CFAP45: variants seen among roughly 807,000 people sequenced by gnomAD.
CFAP45 encodes the protein cilia and flagella associated protein 45, also known as cilia- and flagella-associated protein 45.
In CFAP45, 43 loss-of-function variants were observed where a neutral mutation model predicts 75.6. That is an observed-to-expected ratio of 0.57 (90% CI 0.45 to 0.73). The LOEUF (loss-of-function observed/expected upper bound fraction) is 0.73. Ranked by LOEUF, CFAP45 falls within the 30% of genes least tolerant of loss-of-function variation. The probability of loss-of-function intolerance (pLI) is 0.00; values close to 1 mark genes in which losing one functional copy is unlikely to be tolerated. For missense variants in CFAP45, 689 were observed against 701.5 expected, an observed-to-expected ratio of 0.98 and a Z score of 0.20; for synonymous variants, 223 against 244.6, an observed-to-expected ratio of 0.91 and a Z score of 0.82.
At chr1:159,895,493 G>A (rs1032712643) in intron 1 of CFAP45, among the ~76,000 whole-genome samples, 3 of 152,154 alleles carry the variant, frequency 2.0e-5, no homozygotes, top group African/African-American at 2.4e-5. Context: ...TTTCACACTC[G>A]ATTGGACAAT....
At chr1:159,897,180 C>A (rs568140701) in intron 1 of CFAP45, among the ~76,000 whole-genome samples, 1 of 152,160 alleles carries the variant, frequency 6.6e-6, no homozygotes, top group Admixed American at 6.5e-5. Flanking sequence ...GGAAGGATTG[C>A]TTGATCCCGG....
chr1:159,873,827 C>CTCCTTCCTTCCT (rs72383149), intron 10 of CFAP45, among the ~76,000 whole-genome samples: 56 of 134,594 alleles, frequency 4.2e-4, no homozygotes, highest in Admixed American at 7.9e-4. Flanking sequence ...GAGATTTCTT[C>CTCCTTCCTTCCT]TCCTTCCTTC....
chr1:159,888,611 G>T, intron 3 of CFAP45, 115 bp from the exon 4 acceptor site: 1 of 971,866 alleles, frequency 1.0e-6, no homozygotes. Context: ...TCCCCCAATG[G>T]CAGAAGAGAC....
rs1186617800 is a variant in CFAP45, at chr1:159,872,631, C to G, written c.1578-68G>C. On this transcript the variant is annotated intron_variant, in intron 11 of 11. Transcript: ENST00000368099. ...CAGACAGGAGGTGGGAGGAAGCAGG[C>G]TCTGGGTGGGGTTTACAGAACCTGG... is the stretch of plus-strand genomic sequence containing the variant. 2.8e-6 allele frequency: 4 copies of G among 1,408,044 alleles called. No individual in the cohort carries two copies. In the African/African-American group the frequency reaches 5.6e-5, roughly 20 times the overall value. The allele number at this position is 1,408,044 out of a possible 1,614,324, so 87.2% of individuals were successfully genotyped here.
chr1:159,872,674 C>A, intron 11 of CFAP45, 111 bp from the exon 12 acceptor site: 1 of 965,930 alleles, frequency 1.0e-6, no homozygotes, highest in Non-Finnish European at 1.6e-6. Flanking sequence ...CACCCCCCAA[C>A]CCTGCTCTCA....
chr1:159,891,104 T>C (rs1649819827), intron 2 of CFAP45, among the ~76,000 whole-genome samples: 1 of 152,206 alleles, frequency 6.6e-6, no homozygotes, highest in Non-Finnish European at 1.5e-5. Context: ...TATACAGATA[T>C]TCCTCGCAGA....
chr1:159,876,220 C>T, intron 10 of CFAP45: 1 of 328,370 alleles, frequency 3.0e-6, no homozygotes, highest in Non-Finnish European at 5.7e-6. Context: ...CTTGCAGTTT[C>T]ATCCCCAATT....
intron 8 of CFAP45, among the ~76,000 whole-genome samples, chr1:159,878,777 A>AAAAC (rs1649475718): frequency 7.4e-6 from 1 of 135,568 alleles, no homozygotes; most frequent in African/African-American, 2.8e-5. Context: ...AAAAAAAAAA[A>AAAAC]AAAAACCTTC....
At chr1:159,899,914 C>T in intron 1 of CFAP45, 182 bp downstream of exon 1, 1 of 616,702 alleles carries the variant, frequency 1.6e-6, no homozygotes, top group East Asian at 2.9e-5. Context: ...TCGATGCTAT[C>T]CCTAATTCCT....
chr1:159,887,949 CTTG>C lies in CFAP45; in HGVS notation c.477_479del (p.Asn159del), dbSNP rs746084264. The stretch of plus-strand genomic sequence containing the variant: ...CCACCTCCTCCAGGTCACTGAGCTT[CTTG>C]TTGTTGTTCCACACCATCTCCTTCT... On this transcript the variant is annotated inframe_deletion, in exon 5 of 12. Transcript: ENST00000368099. 32 of 1,614,130 alleles carry C rather than the reference CTTG, an allele frequency of 2.0e-5. No individual in the cohort carries two copies. Among genetic ancestry groups the C allele is most frequent in the African/African-American group, 1.7e-4 (13 of 74,940 alleles).
intron 8 of CFAP45, among the ~76,000 whole-genome samples, chr1:159,879,441 T>C (rs976176465): frequency 1.3e-5 from 2 of 152,254 alleles, no homozygotes; most frequent in Admixed American, 6.5e-5. Context: ...ATATTTTGAA[T>C]CATCAGTGAC....
At chr1:159,882,480 T>G (rs1159857857) in intron 7 of CFAP45, among the ~76,000 whole-genome samples, 2 of 152,212 alleles carry the variant, frequency 1.3e-5, no homozygotes, top group Non-Finnish European at 2.9e-5. Context: ...TTTCCCTGTT[T>G]CTTTTGAAGC....
intron 10 of CFAP45, 43 bp from the exon 11 acceptor site, chr1:159,873,211 G>A (rs370263731): frequency 2.0e-5 from 31 of 1,571,644 alleles, no homozygotes; most frequent in Non-Finnish European, 2.7e-5. Context: ...AGCTGAGCTG[G>A]CCCAGGCCAG....
chr1:159,893,857 AT>A (rs973698474), intron 1 of CFAP45, among the ~76,000 whole-genome samples: 1 of 151,420 alleles, frequency 6.6e-6, no homozygotes, highest in African/African-American at 2.4e-5. Flanking sequence ...AATAATGTAT[AT>A]TACTATATAT....
At chr1:159,878,764 A>AAAAAAAAAAAAAAAAG (rs1649473492) in intron 8 of CFAP45, among the ~76,000 whole-genome samples, 1 of 135,158 alleles carries the variant, frequency 7.4e-6, no homozygotes, top group East Asian at 2.1e-4. Context: ...AAAAAAAAAA[A>AAAAAAAAAAAAAAAAG]AAAAAAAAAA....
Position 159,876,659 on chromosome 1 carries a change from C to G in CFAP45, c.1249G>C (p.Glu417Gln). The G allele has an allele frequency of 6.2e-7, 1 of 1,614,218 alleles. No individual in the cohort carries two copies. Among genetic ancestry groups the G allele is most frequent in the Admixed American group, 1.7e-5 (1 of 60,028 alleles). Reference protein sequence around the residue: ...KENARKKMETEAELRKSRLEQ... With the variant: ...KENARKKMETQAELRKSRLEQ... The stretch of plus-strand genomic sequence containing the variant: ...AGCCGACTTTTTCGCAGCTCAGCCT[C>G]TGTTTCCATCTTCTTCCGCGCATTT... The change falls in exon 10 of 12, where the codon GAG (glutamate) becomes CAG (glutamine). Residue 417 changes from glutamate (E) to glutamine (Q), a missense_variant. Physicochemically the swap from Glu to Gln is conservative, Grantham distance 29. Coordinates refer to ENST00000368099, the MANE Select transcript of CFAP45 (RefSeq NM_012337.3).
chr1:159,877,489 T>C (rs748299631), intron 8 of CFAP45, 27 bp from the exon 9 acceptor site: 1 of 1,489,448 alleles, frequency 6.7e-7, no homozygotes, highest in East Asian at 2.3e-5. Flanking sequence ...CCTTGTAGAA[T>C]AGTTGCCATT....
Position 159,872,979 on chromosome 1 carries a change from G to C in CFAP45, c.1542C>G (p.Ile514Met), listed in dbSNP as rs144795673. The C allele has an allele frequency of 4.9e-5, 79 of 1,614,192 alleles. No individual in the cohort carries two copies. The highest frequency in any genetic ancestry group is 5.9e-5 in the Non-Finnish European group (70 of 1,180,030). Residue 514 changes from isoleucine to methionine, a missense_variant, in exon 11 of 12, where the codon ATC becomes ATG. Transcript: ENST00000368099. ...CAAGCTTTTTCCTCTTGATCTCATC[G>C]ATGCGCTCACGGCGTTTCTGGGCCT... is the stretch of plus-strand genomic sequence containing the variant. ...KEEAQKRRER[I>M]DEIKRKKLEE...
chr1:159,886,660 G>C lies in CFAP45; in HGVS notation c.618C>G (p.Ile206Met). The C allele has an allele frequency of 6.2e-7, 1 of 1,614,066 alleles. No homozygotes were observed. The highest frequency in any genetic ancestry group is 8.5e-7 in the Non-Finnish European group (1 of 1,179,988). ...KIILNAKCHA[I>M]RDAQILEKQQ... ...GCTTCTCCAGGATTTGGGCATCCCG[G>C]ATGGCATGGCACTTAGCATTGAGGA... is the stretch of plus-strand genomic sequence containing the variant. Residue 206 changes from isoleucine (I) to methionine (M), a missense_variant, in exon 6 of 12, where the codon ATC (isoleucine) becomes ATG (methionine). Ile to Met is a conservative substitution (Grantham distance 10). Coordinates refer to ENST00000368099, the MANE Select transcript of CFAP45 (RefSeq NM_012337.3).
Sources: gnomAD v4.1 joint callset for allele counts (sites outside exome capture counted in the v4.1 genomes callset) on GRCh38, gnomAD v4.1.1 for gene constraint, MANE v1.5 for transcripts, NCBI Gene and HGNC (gene_info 2026-07-23, HGNC 2026-07-21) for gene names.